The following JAKMIP3 variants were observed in gnomAD, a reference collection of about 807,000 sequenced individuals.
JAKMIP3 encodes Janus kinase and microtubule interacting protein 3, also known as janus kinase and microtubule-interacting protein 3.
JAKMIP3 carries 58 observed loss-of-function variants against 118.5 expected under a neutral mutation model. The ratio of observed to expected loss-of-function variants is 0.49; its 90% CI spans 0.40 to 0.61. JAKMIP3 has a LOEUF of 0.61. Among genes scored for constraint, JAKMIP3 ranks in the 20% least tolerant of loss-of-function variants. The pLI, the probability that JAKMIP3 is intolerant of heterozygous loss-of-function variation, is 0.00. For missense variants in JAKMIP3, 950 were observed against 1,109.0 expected (o/e 0.86, Z 2.04); for synonymous variants, 486 against 451.2 (o/e 1.08, Z -0.98).
At chr10:132,159,554 G>A (rs2057643711) in intron 19 of JAKMIP3, among the ~76,000 whole-genome samples, 1 of 133,978 alleles carries the variant, frequency 7.5e-6, no homozygotes, top group Non-Finnish European at 1.6e-5. Flanking sequence ...CTCTCCCTGT[G>A]TGATGCTGGG....
chr10:132,171,442 A>G, intron 23 of JAKMIP3, among the ~76,000 whole-genome samples: 1 of 152,188 alleles, frequency 6.6e-6, no homozygotes, highest in Non-Finnish European at 1.5e-5. Flanking sequence ...AATTGCGACA[A>G]TGTCCGTCCG....
intron 2 of JAKMIP3, among the ~76,000 whole-genome samples, chr10:132,111,114 G>A (rs2046795487): frequency 1.3e-5 from 2 of 152,228 alleles, no homozygotes; most frequent in African/African-American, 4.8e-5. Context: ...GAGGTGCCCG[G>A]AAAGTCCTAC....
At position 132,149,999 on chromosome 10, in the gene JAKMIP3, G is replaced by A. The variant is rs763955984; in HGVS notation, c.1965G>A (p.Glu655=). Residue 655 remains glutamate (E), a synonymous_variant, in exon 16 of 24, where the codon GAG becomes GAA. Transcript: ENST00000684848. ...AEGVTDIVVA[E]LMKKLDILGD... is the part of the protein sequence containing the mutation. ...TGCCTTAGGACATTGTGGTTGCGGA[G>A]CTGATGAAGAAGCTGGACATCCTGG... 2 of 1,586,186 alleles carry A rather than the reference G, an allele frequency of 1.3e-6. No homozygotes were observed. The highest frequency in any genetic ancestry group is 1.5e-5 in the African/African-American group (1 of 68,328).
intron 3 of JAKMIP3, among the ~76,000 whole-genome samples, chr10:132,121,506 C>T (rs892795801): frequency 2.0e-5 from 3 of 152,152 alleles, no homozygotes; most frequent in Admixed American, 6.5e-5. Flanking sequence ...TGGGTGAGGA[C>T]GTAGCGGGTC....
At chr10:132,038,644 A>G (rs2037597841) in intron 1 of JAKMIP3, among the ~76,000 whole-genome samples, 1 of 152,010 alleles carries the variant, frequency 6.6e-6, no homozygotes, top group Admixed American at 6.6e-5. Flanking sequence ...GAAGAATACA[A>G]TAATTAGCTG....
chr10:132,097,966 C>CCT (rs1189854110), intron 1 of JAKMIP3, among the ~76,000 whole-genome samples: 2 of 33,898 alleles, frequency 5.9e-5, no homozygotes, highest in African/African-American at 1.0e-4. Context: ...TTTCCCTTTC[C>CCT]TTCCTTTTCT....
At chr10:132,066,873 A>G (rs1589734586) in intron 1 of JAKMIP3, among the ~76,000 whole-genome samples, 1 of 152,206 alleles carries the variant, frequency 6.6e-6, no homozygotes, top group South Asian at 2.1e-4. Flanking sequence ...GCTTATTGAG[A>G]TGTCAGTGAG....
chr10:132,103,473 TGGAGGGGAAGAG>T (rs2045403148), intron 1 of JAKMIP3, among the ~76,000 whole-genome samples: 1 of 20,938 alleles, frequency 4.8e-5, no homozygotes, highest in Non-Finnish European at 8.4e-5. Context: ...GAGGAGCAGC[TGGAGGGGAAGAG>T]CACCTGGGGG....
intron 23 of JAKMIP3, among the ~76,000 whole-genome samples, chr10:132,180,787 GTA>G (rs773267457): frequency 8.3e-5 from 2 of 24,110 alleles, no homozygotes; most frequent in Non-Finnish European, 2.0e-4. Flanking sequence ...GTGTGTGCGC[GTA>G]TGCATGTGCT....
At position 132,176,393 on chromosome 10, in the gene JAKMIP3, C is replaced by T. The variant is rs187809883; in HGVS notation, c.*1104-5964C>T. 6.6e-5 allele frequency among the ~76,000 whole-genome samples: 10 copies of T among 152,326 alleles called. No individual in the cohort carries two copies. The East Asian group carries it at 1.9e-3, about 29-fold the overall frequency. ...TCGTGTTTCTTGGTGCACAGCATGG[C>T]CTTGGTCCTGGTGCTGGTGTGTGCC... On this transcript the variant is annotated intron_variant, in intron 23 of 23. Transcript: ENST00000684848.
At chr10:132,152,868 C>T (rs967902974) in intron 16 of JAKMIP3, 90 bp from the exon 17 acceptor site, 7 of 1,050,174 alleles carry the variant, frequency 6.7e-6, no homozygotes, top group African/African-American at 1.6e-5. Flanking sequence ...CAGTCAGCCT[C>T]CCCAGTCAGC....
intron 2 of JAKMIP3, among the ~76,000 whole-genome samples, chr10:132,108,783 G>T (rs149858858): frequency 0.012 from 1,858 of 151,382 alleles, 30 homozygotes; most frequent in African/African-American, 0.042. Context: ...CGGGAGAATC[G>T]CTTCAGCCCA....
intron 1 of JAKMIP3, among the ~76,000 whole-genome samples, chr10:132,071,508 T>A (rs1018476506): frequency 1.3e-5 from 2 of 152,228 alleles, no homozygotes. Context: ...GTGAATATCC[T>A]TACCAATTTT....
At chr10:132,094,584 G>A (rs951075505) in intron 1 of JAKMIP3, among the ~76,000 whole-genome samples, 1 of 152,162 alleles carries the variant, frequency 6.6e-6, no homozygotes, top group Non-Finnish European at 1.5e-5. Flanking sequence ...ACTGGGGGTT[G>A]TCTGCCCAGA....
At chr10:132,048,667 C>CTTTTTTTTTTTT (rs35729418) in intron 1 of JAKMIP3, among the ~76,000 whole-genome samples, 3 of 129,774 alleles carry the variant, frequency 2.3e-5, no homozygotes, top group Non-Finnish European at 3.2e-5. Context: ...TGTTTCTTTT[C>CTTTTTTTTTTTT]TTTTTTTTTT....
chr10:132,133,517 C>T lies in JAKMIP3; in HGVS notation c.839C>T (p.Ser280Leu), dbSNP rs558332394. Reference sequence around the variant, plus strand: ...GGTGCAGGAGACGCTTCAGACCACTCGGGAAGCCCTGTAAGCACCTCCCAG... The same window carrying T: ...GGTGCAGGAGACGCTTCAGACCACTTGGGAAGCCCTGTAAGCACCTCCCAG... The part of the protein sequence containing the change: ...AAGAGDASDH[S>L]GSPEQQLDEK... The change falls in exon 4 of 24, where the codon TCG becomes TTG. Residue 280 changes from serine to leucine, a missense_variant. Coordinates refer to ENST00000684848, the MANE Select transcript of JAKMIP3 (RefSeq NM_001323087.2). 69 of 1,564,786 alleles carry T rather than the reference C, an allele frequency of 4.4e-5. No individual in the cohort carries two copies. The South Asian group carries it at 7.8e-4, about 18-fold the overall frequency.
intron 9 of JAKMIP3, among the ~76,000 whole-genome samples, chr10:132,140,213 G>A (rs1415820983): frequency 6.6e-6 from 1 of 152,230 alleles, no homozygotes; most frequent in East Asian, 1.9e-4. Flanking sequence ...ACCAAGGGCA[G>A]GGCCAGGACC....
chr10:132,163,908 G>C (rs1475103390), intron 20 of JAKMIP3, among the ~76,000 whole-genome samples: 1 of 152,230 alleles, frequency 6.6e-6, no homozygotes, highest in African/African-American at 2.4e-5. Flanking sequence ...GGCACTGTGG[G>C]ACCTCAGGCC....
At chr10:132,169,347 G>A (rs1211608167) in intron 23 of JAKMIP3, among the ~76,000 whole-genome samples, 2 of 152,206 alleles carry the variant, frequency 1.3e-5, no homozygotes, top group East Asian at 3.9e-4. Flanking sequence ...CCCCGTAGGT[G>A]CAATGAGGCC....
Sources: gnomAD v4.1 joint callset for allele counts (sites outside exome capture counted in the v4.1 genomes callset) on GRCh38, gnomAD v4.1.1 for gene constraint, MANE v1.5 for transcripts, NCBI Gene and HGNC (gene_info 2026-07-23, HGNC 2026-07-21) for gene names.